The following WDR5 variants were observed in gnomAD, a reference collection of about 807,000 sequenced individuals.
The protein encoded by WDR5 is WD repeat domain 5, also known as WD repeat-containing protein 5.
For missense variants in WDR5, 187 were observed against 416.9 expected (o/e 0.45, Z 4.80); for synonymous variants, 144 against 161.6 (o/e 0.89, Z 0.83).
chr9:134,143,262 C>T (rs1037460120), intron 7 of WDR5, among the ~76,000 whole-genome samples: 4 of 152,212 alleles, frequency 2.6e-5, no homozygotes, highest in Middle Eastern at 3.2e-3. Context: ...GCCGAGAGGC[C>T]GGGCGTGGCG....
rs1319827359 is a variant in WDR5 at position 134,137,485 on chromosome 9, C to G, written c.-59+1285C>G. Among the ~76,000 whole-genome samples the G allele has an allele frequency of 2.6e-5, 4 of 151,932 alleles. No individual in the cohort carries two copies. The South Asian group carries it at 8.3e-4, about 32-fold the overall frequency. On this transcript the variant is annotated intron_variant, in intron 1 of 13. Coordinates refer to ENST00000358625, the MANE Select transcript of WDR5 (RefSeq NM_017588.3). ...ATTGCCTGAGGTCAGGAGTTCGAGA[C>G]TAGCCTGGGCAACATGGCGAAACTC...
chr9:134,141,903 C>T (rs762486150), intron 4 of WDR5, 46 bp from the exon 5 acceptor site: 1 of 1,567,428 alleles, frequency 6.4e-7, no homozygotes, highest in Non-Finnish European at 8.8e-7. Flanking sequence ...TGCCGATGGT[C>T]CTATTTTGTC....
rs555154684 is a variant in WDR5 at position 134,147,296 on chromosome 9, A to T, written c.529-992A>T. On this transcript the variant is annotated intron_variant, in intron 7 of 13. Transcript: ENST00000358625. ...GCAGCATGCCCCGGGGACCTGTTCG[A>T]AATTTATGTTCTTGGACTCCCCCTC... Among the ~76,000 whole-genome samples, 3 of 152,312 alleles carry T rather than the reference A, an allele frequency of 2.0e-5. No individual in the cohort carries two copies. The East Asian group carries it at 5.8e-4, about 29-fold the overall frequency.
intron 9 of WDR5, among the ~76,000 whole-genome samples, chr9:134,153,733 A>T (rs571979917): frequency 1.3e-3 from 199 of 149,076 alleles, no homozygotes; most frequent in South Asian, 2.9e-3. Context: ...CAGCGCGTGC[A>T]CGTGCTTGGG....
intron 7 of WDR5, among the ~76,000 whole-genome samples, chr9:134,145,092 C>CTTTTTTTTT (rs1564191284): frequency 1.8e-5 from 1 of 56,894 alleles, no homozygotes; most frequent in Non-Finnish European, 4.0e-5. Flanking sequence ...GTTTGTGGGG[C>CTTTTTTTTT]TTTGTTTTTT....
intron 7 of WDR5, among the ~76,000 whole-genome samples, chr9:134,145,285 G>C (rs1255490699): frequency 6.6e-6 from 1 of 152,004 alleles, no homozygotes; most frequent in Non-Finnish European, 1.5e-5. Flanking sequence ...TTTTAGTAGA[G>C]ACAGGGTTTC....
At chr9:134,140,530 G>A (rs560529146) in intron 2 of WDR5, among the ~76,000 whole-genome samples, 173 bp from the exon 3 acceptor site, 1 of 152,292 alleles carries the variant, frequency 6.6e-6, no homozygotes, top group East Asian at 1.9e-4. Flanking sequence ...AGATTCAGAT[G>A]TGTTCCACTT....
chr9:134,148,805 TC>T (rs1220803769), intron 8 of WDR5, among the ~76,000 whole-genome samples: 1 of 151,856 alleles, frequency 6.6e-6, no homozygotes, highest in Non-Finnish European at 1.5e-5. Context: ...AGTGACAGGG[TC>T]TCCTGCAGAA....
chr9:134,149,606 A>G (rs1461145401), intron 8 of WDR5, among the ~76,000 whole-genome samples: 1 of 152,208 alleles, frequency 6.6e-6, no homozygotes, highest in Non-Finnish European at 1.5e-5. Context: ...AGCACGGGAC[A>G]GTCTCAGAAT....
intron 4 of WDR5, 99 bp from the exon 5 acceptor site, chr9:134,141,850 A>C: frequency 8.1e-7 from 1 of 1,227,162 alleles, no homozygotes; most frequent in Non-Finnish European, 1.2e-6. Context: ...ACTAGTGAGA[A>C]GATTTCCTGA....
chr9:134,150,600 GAT>G (rs1291698095), intron 8 of WDR5, among the ~76,000 whole-genome samples: 1 of 152,242 alleles, frequency 6.6e-6, no homozygotes, highest in African/African-American at 2.4e-5. Context: ...ATTGAATAGA[GAT>G]ACACATCTTT....
intron 9 of WDR5, among the ~76,000 whole-genome samples, chr9:134,152,230 C>A (rs1160042863): frequency 6.6e-6 from 1 of 152,256 alleles, no homozygotes; most frequent in Non-Finnish European, 1.5e-5. Flanking sequence ...GTGCAGTTTT[C>A]CTGCCATGGC....
At chr9:134,148,868 T>C (rs557079040) in intron 8 of WDR5, among the ~76,000 whole-genome samples, 10 of 152,216 alleles carry the variant, frequency 6.6e-5, no homozygotes, top group African/African-American at 2.2e-4. Context: ...TGGTAATCTG[T>C]GTCCAGCACT....
chr9:134,155,569 T>C (rs1181228829), intron 11 of WDR5, 124 bp from the exon 12 acceptor site: 4 of 1,272,812 alleles, frequency 3.1e-6, no homozygotes, highest in Non-Finnish European at 4.4e-6. Flanking sequence ...ATTGTGTGGG[T>C]TTGGTACTTG....
intron 7 of WDR5, among the ~76,000 whole-genome samples, chr9:134,145,950 TTG>T (rs1339931730): frequency 2.3e-5 from 3 of 130,654 alleles, no homozygotes; most frequent in African/African-American, 1.1e-4. Flanking sequence ...TTTTTTTTTT[TTG>T]TTTTTTAATA....
At chr9:134,150,223 A>G (rs1418832644) in intron 8 of WDR5, among the ~76,000 whole-genome samples, 1 of 152,254 alleles carries the variant, frequency 6.6e-6, no homozygotes, top group African/African-American at 2.4e-5. Context: ...TACCGTGCAC[A>G]GAAAGGAATT....
intron 1 of WDR5, among the ~76,000 whole-genome samples, chr9:134,138,582 CCT>C (rs1259238695): frequency 6.6e-6 from 1 of 152,184 alleles, no homozygotes; most frequent in Admixed American, 6.5e-5. Context: ...CTCCTCTCCC[CCT>C]CTCTTGTACT....
At chr9:134,155,549 T>G in intron 11 of WDR5, 144 bp from the exon 12 acceptor site, 1 of 1,247,282 alleles carries the variant, frequency 8.0e-7, no homozygotes, top group Non-Finnish European at 1.1e-6. Flanking sequence ...GTCTGCAAGT[T>G]AAATCTTCGA....
chr9:134,146,763 G>A (rs1364963500), intron 7 of WDR5, among the ~76,000 whole-genome samples: 1 of 152,244 alleles, frequency 6.6e-6, no homozygotes, highest in Non-Finnish European at 1.5e-5. Context: ...TACATCCATC[G>A]TAATAGTCTC....
Sources: gnomAD v4.1 joint callset for allele counts (sites outside exome capture counted in the v4.1 genomes callset) on GRCh38, gnomAD v4.1.1 for gene constraint, MANE v1.5 for transcripts, NCBI Gene and HGNC (gene_info 2026-07-23, HGNC 2026-07-21) for gene names.